STK38L: variants seen among roughly 807,000 people sequenced by gnomAD.
STK38L encodes serine/threonine-protein kinase 38-like.
A neutral mutation model predicts 59.7 loss-of-function variants in STK38L; 28 were observed. The observed-to-expected ratio is 0.47, with a 90% CI of 0.35 to 0.64. The LOEUF (loss-of-function observed/expected upper bound fraction) is 0.64, where lower values mean the gene tolerates loss of function less well. Among genes scored for constraint, STK38L ranks in the 30% least tolerant of loss-of-function variants. The pLI is 0.01. For synonymous variants in STK38L, 162 were observed against 176.8 expected (o/e 0.92, Z 0.66); for missense variants, 314 against 555.8 (o/e 0.56, Z 4.37).
chr12:27,278,073 C>G (rs1943575808), intron 1 of STK38L, among the ~76,000 whole-genome samples: 1 of 152,148 alleles, frequency 6.6e-6, no homozygotes, highest in Non-Finnish European at 1.5e-5. Context: ...TGGGGATTTC[C>G]CATTGGGTTA....
rs1160268967 is a variant in STK38L, at chr12:27,264,709, G to A, written c.-12+20377G>A. On this transcript the variant is annotated intron_variant, in intron 1 of 13. Transcript: ENST00000389032. Reference sequence around the variant, plus strand: ...ATCTAGAGATGATTTAAAGTATATAGGAGGATGTGTGTAGGTTATATGCCA... The same window carrying A: ...ATCTAGAGATGATTTAAAGTATATAAGAGGATGTGTGTAGGTTATATGCCA... Among the ~76,000 whole-genome samples the A allele has an allele frequency of 2.6e-5, 4 of 152,160 alleles. No individual in the cohort carries two copies. In the East Asian group the frequency reaches 7.7e-4, roughly 29 times the overall value.
chr12:27,283,440 G>A (rs568226352), intron 1 of STK38L, among the ~76,000 whole-genome samples: 7 of 152,214 alleles, frequency 4.6e-5, no homozygotes, highest in East Asian at 1.9e-4. Context: ...TAAAACACTC[G>A]ATAAATATTA....
intron 6 of STK38L, among the ~76,000 whole-genome samples, chr12:27,313,808 T>G (rs1465053665): frequency 6.6e-6 from 1 of 152,120 alleles, no homozygotes; most frequent in Middle Eastern, 3.2e-3. Context: ...TCCTTGAAAA[T>G]AAAAGAATGT....
Position 27,322,320 on chromosome 12 carries a change from C to G in STK38L, c.1268-8C>G. Reference sequence around the variant, plus strand: ...CTAATGAAATTCCTTTATTTTTTCTCTTTCTAGTGCCAAATACCACAGAAC... The same window carrying G: ...CTAATGAAATTCCTTTATTTTTTCTGTTTCTAGTGCCAAATACCACAGAAC... On this transcript the variant is annotated splice_region_variant and splice_polypyrimidine_tract_variant and intron_variant, in intron 13 of 13. Coordinates refer to ENST00000389032, the MANE Select transcript of STK38L (RefSeq NM_015000.4). The G allele has an allele frequency of 3.7e-6, 6 of 1,612,438 alleles. No homozygotes were observed. Among genetic ancestry groups the G allele is most frequent in the Non-Finnish European group, 5.1e-6 (6 of 1,179,566 alleles).
intron 1 of STK38L, among the ~76,000 whole-genome samples, chr12:27,255,588 A>C (rs1459354901): frequency 6.6e-6 from 1 of 152,202 alleles, no homozygotes; most frequent in Non-Finnish European, 1.5e-5. Context: ...ATCATCTCCA[A>C]CAAGTGGATG....
chr12:27,256,965 A>G (rs1943103417), intron 1 of STK38L, among the ~76,000 whole-genome samples: 1 of 152,226 alleles, frequency 6.6e-6, no homozygotes, highest in African/African-American at 2.4e-5. Flanking sequence ...TCTCAGATGG[A>G]TAGAAGCTGG....
intron 1 of STK38L, among the ~76,000 whole-genome samples, chr12:27,275,236 A>G (rs140023063): frequency 1.3e-5 from 2 of 151,804 alleles, no homozygotes; most frequent in East Asian, 3.9e-4. Context: ...GCTGTCTCAC[A>G]CTACTAAGGC....
At chr12:27,272,955 A>G (rs1293198361) in intron 1 of STK38L, among the ~76,000 whole-genome samples, 2 of 152,216 alleles carry the variant, frequency 1.3e-5, no homozygotes, top group African/African-American at 4.8e-5. Context: ...AATACTGGAA[A>G]AACAAAAATG....
intron 1 of STK38L, among the ~76,000 whole-genome samples, chr12:27,294,710 C>CTT (rs35709589): frequency 6.9e-6 from 1 of 143,890 alleles, no homozygotes; most frequent in African/African-American, 2.5e-5. Context: ...CTTCTTTGAC[C>CTT]TTTTTTTTTT....
chr12:27,319,472 C>T (rs1944671724), intron 12 of STK38L, 49 bp downstream of exon 12: 1 of 1,314,408 alleles, frequency 7.6e-7, no homozygotes, highest in African/African-American at 1.5e-5. Context: ...AAACAAATTT[C>T]TAGAGTTGGC....
intron 1 of STK38L, among the ~76,000 whole-genome samples, chr12:27,277,773 G>C (rs1053951707): frequency 6.6e-6 from 1 of 151,524 alleles, no homozygotes; most frequent in Non-Finnish European, 1.5e-5. Flanking sequence ...TGCTTATCCT[G>C]TTTATTCAAG....
chr12:27,298,030 C>T (rs1233009036), intron 2 of STK38L, 176 bp downstream of exon 2: 3 of 703,892 alleles, frequency 4.3e-6, no homozygotes, highest in Admixed American at 3.1e-5. Flanking sequence ...AGAGTAGTTT[C>T]CTGAGGTGCC....
In STK38L at chr12:27,322,601, C is replaced by G. The variant is rs1944757797; in HGVS notation, c.*146C>G. 6 of 1,142,708 alleles carry G rather than the reference C, an allele frequency of 5.3e-6. No individual in the cohort carries two copies. The highest frequency in any genetic ancestry group is 1.6e-5 in the African/African-American group (1 of 62,976). The allele number at this position is 1,142,708 out of a possible 1,614,324, so 70.8% of individuals were successfully genotyped here. ...AGGAAATTCTACAGGATTAGGATTT[C>G]TAAGACTACTATAGGAATTGGTTGG... On this transcript the variant is annotated 3_prime_UTR_variant, in exon 14 of 14. Transcript: ENST00000389032.
At chr12:27,319,681 C>T (rs1370236713) in intron 12 of STK38L, among the ~76,000 whole-genome samples, 1 of 152,194 alleles carries the variant, frequency 6.6e-6, no homozygotes, top group Non-Finnish European at 1.5e-5. Flanking sequence ...ACAGTGAAGG[C>T]TGTTAGCACA....
rs567547812 is a variant in STK38L, at chr12:27,320,017, C to A, written c.1175+594C>A. Among the ~76,000 whole-genome samples, 69 of 152,282 alleles carry A rather than the reference C, an allele frequency of 4.5e-4. No individual in the cohort carries two copies. The South Asian group carries it at 6.2e-3, about 14-fold the overall frequency. On this transcript the variant is annotated intron_variant, in intron 12 of 13. Coordinates refer to ENST00000389032, the MANE Select transcript of STK38L (RefSeq NM_015000.4). ...ACAGTTAAGAAGCCTTCACTGCTTT[C>A]TTAGGACTGCAGGATATGGCGATTG...
chr12:27,291,528 C>T (rs905350015), intron 1 of STK38L, among the ~76,000 whole-genome samples: 10 of 152,180 alleles, frequency 6.6e-5, no homozygotes, highest in Non-Finnish European at 7.4e-5. Flanking sequence ...ATTCTCAGCA[C>T]TTCATACAGT....
At chr12:27,255,997 T>C (rs1319449036) in intron 1 of STK38L, among the ~76,000 whole-genome samples, 1 of 152,212 alleles carries the variant, frequency 6.6e-6, no homozygotes. Flanking sequence ...TCTATTTGGT[T>C]CTTAAGCTGT....
chr12:27,253,633 G>C (rs2136603236), intron 1 of STK38L, among the ~76,000 whole-genome samples: 1 of 152,332 alleles, frequency 6.6e-6, no homozygotes, highest in South Asian at 2.1e-4. Flanking sequence ...AGAGCAGTGA[G>C]AGGCACACCT....
chr12:27,323,008 GA>G lies in STK38L; in HGVS notation c.*556del. ...GTAATGGTTTTAAGAGATTTAAAAA[GA>G]AATTCACTGGTTCTTTACAAAATAG... is the stretch of plus-strand genomic sequence containing the variant. On this transcript the variant is annotated 3_prime_UTR_variant, in exon 14 of 14. Coordinates refer to ENST00000389032, the MANE Select transcript of STK38L (RefSeq NM_015000.4). 6.6e-6 allele frequency: 1 copy of G among 152,132 alleles called. No individual in the cohort carries two copies. Among genetic ancestry groups the G allele is most frequent in the Non-Finnish European group, 1.5e-5 (1 of 67,994 alleles). 9.4% of individuals were successfully genotyped at this position (152,132 alleles called of 1,614,324 possible). A position where few individuals can be genotyped will look rare whatever the true frequency, so the allele number is the denominator to read the frequency against.
Sources: gnomAD v4.1 joint callset for allele counts (sites outside exome capture counted in the v4.1 genomes callset) on GRCh38, gnomAD v4.1.1 for gene constraint, MANE v1.5 for transcripts, NCBI Gene and HGNC (gene_info 2026-07-23, HGNC 2026-07-21) for gene names.